Variants in AK8 observed in about 807,000 individuals in gnomAD.
AK8 encodes the protein ATP-AMP transphosphorylase 8.
Under a neutral mutation model 54.6 loss-of-function variants are expected in AK8, and 44 were observed. That is an observed-to-expected ratio of 0.81 (90% CI 0.63 to 1.04). The LOEUF is 1.04. Among genes scored for constraint, AK8 ranks in the 50% least tolerant of loss-of-function variants. AK8 has a pLI of 0.00. For missense variants in AK8, 555 were observed against 613.6 expected, an observed-to-expected ratio of 0.90 and a Z score of 1.01; for synonymous variants, 239 against 245.6, an observed-to-expected ratio of 0.97 and a Z score of 0.25.
At chr9:132,739,886 G>A (rs1837288347) in intron 11 of AK8, among the ~76,000 whole-genome samples, 1 of 152,242 alleles carries the variant, frequency 6.6e-6, no homozygotes, top group Non-Finnish European at 1.5e-5. Context: ...GGGCGGGGGT[G>A]TTATAAAGTA....
intron 5 of AK8, among the ~76,000 whole-genome samples, chr9:132,841,084 T>A (rs1182345626): frequency 1.3e-5 from 2 of 152,206 alleles, no homozygotes; most frequent in Admixed American, 1.3e-4. Flanking sequence ...CACATTTTAA[T>A]CAGACAGTGA....
chr9:132,819,442 C>T (rs1417089507), intron 9 of AK8, among the ~76,000 whole-genome samples: 3 of 152,296 alleles, frequency 2.0e-5, no homozygotes, highest in African/African-American at 7.2e-5. Flanking sequence ...TGACAGTATG[C>T]ACTTAATGAC....
intron 11 of AK8, among the ~76,000 whole-genome samples, chr9:132,744,357 A>G (rs1299848481): frequency 6.6e-6 from 1 of 151,818 alleles, no homozygotes; most frequent in Non-Finnish European, 1.5e-5. Context: ...ATTTCATTAC[A>G]GTAAGTTGGG....
At position 132,826,436 on chromosome 9, in the gene AK8, T is replaced by C. The variant is rs983571590; in HGVS notation, c.757+418A>G. 2.0e-5 allele frequency among the ~76,000 whole-genome samples: 3 copies of C among 152,214 alleles called. No homozygotes were observed. The highest frequency in any genetic ancestry group is 7.2e-5 in the African/African-American group (3 of 41,448). ...AAGCATACCACCTGTGCTGTGTGTG[T>C]GTGTTTTATTGTGTTGTGTGTGGTG... On this transcript the variant is annotated intron_variant, in intron 8 of 12. Transcript: ENST00000298545. The surrounding 1 kb of genome is among the most constrained non-coding windows in gnomAD (Gnocchi z 4.5).
intron 5 of AK8, among the ~76,000 whole-genome samples, chr9:132,838,521 G>A (rs138609893): frequency 7.9e-5 from 12 of 152,330 alleles, no homozygotes; most frequent in African/African-American, 1.9e-4. Context: ...AGGGATCTGC[G>A]GACATGGTCA....
chr9:132,773,644 G>A (rs1293556274), intron 11 of AK8, among the ~76,000 whole-genome samples: 1 of 152,182 alleles, frequency 6.6e-6, no homozygotes, highest in Non-Finnish European at 1.5e-5. Context: ...GGAAACCATA[G>A]TTCAGAGTGA....
At chr9:132,814,920 A>G (rs1327689004) in intron 9 of AK8, among the ~76,000 whole-genome samples, 193 bp from the exon 10 acceptor site, 9 of 152,220 alleles carry the variant, frequency 5.9e-5, no homozygotes, top group Admixed American at 5.2e-4. Flanking sequence ...AAATAAATAA[A>G]AGAGAGAGGT....
intron 11 of AK8, among the ~76,000 whole-genome samples, chr9:132,782,621 G>A (rs887522058): frequency 1.3e-5 from 2 of 152,112 alleles, no homozygotes; most frequent in African/African-American, 2.4e-5. Context: ...TCCGGAAGGC[G>A]GAGGTTGTAG....
intron 5 of AK8, among the ~76,000 whole-genome samples, chr9:132,852,508 G>A (rs910911449): frequency 6.6e-6 from 1 of 151,860 alleles, no homozygotes; most frequent in Non-Finnish European, 1.5e-5. Flanking sequence ...TACTCGGGAG[G>A]ATGAGGCAGG....
chr9:132,865,919 T>TG (rs2131419038), intron 3 of AK8, among the ~76,000 whole-genome samples: 1 of 152,084 alleles, frequency 6.6e-6, no homozygotes, highest in East Asian at 1.9e-4. Context: ...GACCTTAGGC[T>TG]GGGCGTGGTG....
At chr9:132,849,115 A>G (rs528735515) in intron 5 of AK8, among the ~76,000 whole-genome samples, 1 of 152,066 alleles carries the variant, frequency 6.6e-6, no homozygotes, top group African/African-American at 2.4e-5. Flanking sequence ...TCACCATGTT[A>G]GCCAGGATGG....
chr9:132,868,774 G>A (rs569347969), intron 2 of AK8, among the ~76,000 whole-genome samples: 4 of 152,228 alleles, frequency 2.6e-5, no homozygotes, highest in South Asian at 4.1e-4. Context: ...TCCCCATCTC[G>A]TCCTATGGTC....
rs1170374565 is a variant in AK8, at chr9:132,844,679, G to A, written c.402+10178C>T. On this transcript the variant is annotated intron_variant, in intron 5 of 12. Coordinates refer to ENST00000298545, the MANE Select transcript of AK8 (RefSeq NM_152572.3). Reference sequence around the variant, plus strand: ...AGAAGAAAGTTTAAAACAAATTGAAGGAGATATTTCTTTACTCTGCAGGTA... The same window carrying A: ...AGAAGAAAGTTTAAAACAAATTGAAAGAGATATTTCTTTACTCTGCAGGTA... Among the ~76,000 whole-genome samples the A allele has an allele frequency of 2.0e-5, 3 of 152,208 alleles. No individual in the cohort carries two copies. The East Asian group carries it at 5.8e-4, about 29-fold the overall frequency.
intron 11 of AK8, among the ~76,000 whole-genome samples, chr9:132,758,519 G>A (rs901426753): frequency 1.3e-5 from 2 of 151,982 alleles, no homozygotes; most frequent in Non-Finnish European, 2.9e-5. Flanking sequence ...GTGCGATCTC[G>A]GCTCACTGCA....
chr9:132,867,608 G>A (rs896644721), intron 2 of AK8, among the ~76,000 whole-genome samples: 24 of 152,228 alleles, frequency 1.6e-4, no homozygotes, highest in Admixed American at 1.6e-3. Context: ...GAGAGTCTGG[G>A]CTCACCCGGC....
At chr9:132,784,759 ATC>A (rs1839621222) in intron 11 of AK8, among the ~76,000 whole-genome samples, 3 of 152,238 alleles carry the variant, frequency 2.0e-5, no homozygotes, top group African/African-American at 7.2e-5. Context: ...GAAGTTTAGT[ATC>A]TATGTACCCT....
At chr9:132,782,733 C>T (rs1839531110) in intron 11 of AK8, among the ~76,000 whole-genome samples, 1 of 152,032 alleles carries the variant, frequency 6.6e-6, no homozygotes. Flanking sequence ...GATGCTGTGA[C>T]ATTAACCACG....
Position 132,837,170 on chromosome 9 carries a change from T to C in AK8, c.403-8444A>G, listed in dbSNP as rs1842360805. ...CCCATCTCTACTAAATATACAAAAATTATCTGGGCGTGGTGGCGGGCGCCT... is the reference window on the plus strand; with the variant it reads ...CCCATCTCTACTAAATATACAAAAACTATCTGGGCGTGGTGGCGGGCGCCT... On this transcript the variant is annotated intron_variant, in intron 5 of 12. Coordinates refer to ENST00000298545, the MANE Select transcript of AK8 (RefSeq NM_152572.3). This position sits in a 1 kb window ranked among gnomAD's most constrained non-coding sequence, Gnocchi z 4.3. Among the ~76,000 whole-genome samples the C allele has an allele frequency of 6.6e-6, 1 of 151,960 alleles. No individual in the cohort carries two copies. Among genetic ancestry groups the C allele is most frequent in the Non-Finnish European group, 1.5e-5 (1 of 67,986 alleles).
chr9:132,843,190 G>A (rs921854183), intron 5 of AK8, among the ~76,000 whole-genome samples: 33 of 152,158 alleles, frequency 2.2e-4, no homozygotes, highest in African/African-American at 7.7e-4. Flanking sequence ...CCTGGTGGGA[G>A]GTGTTTGGAT....
Sources: allele counts gnomAD v4.1 joint callset (sites outside exome capture counted in the v4.1 genomes callset), GRCh38; gene constraint gnomAD v4.1.1; non-coding constraint Gnocchi (gnomAD v3.1); transcripts MANE v1.5; gene names NCBI Gene and HGNC (gene_info 2026-07-23, HGNC 2026-07-21).